Variants in CNOT6 observed in about 807,000 individuals in gnomAD.
CNOT6 encodes the protein CCR4-NOT transcription complex subunit 6.
Under a neutral mutation model 61.2 loss-of-function variants are expected in CNOT6, and 12 were observed. The observed-to-expected ratio is 0.20, with a 90% confidence interval of 0.13 to 0.32. CNOT6 has a LOEUF of 0.32. Among genes scored for constraint, CNOT6 ranks in the 10% least tolerant of loss-of-function variants. CNOT6 has a pLI of 1.00. For synonymous variants in CNOT6, 225 were observed against 240.6 expected (o/e 0.94, Z 0.60); for missense variants, 405 against 663.9 (o/e 0.61, Z 4.28).
chr5:180,553,695 T>C (rs1339365742), intron 4 of CNOT6, among the ~76,000 whole-genome samples: 3 of 152,200 alleles, frequency 2.0e-5, no homozygotes, highest in African/African-American at 7.2e-5. Flanking sequence ...CCTTCTTTTC[T>C]AGCCTCTGTT....
intron 3 of CNOT6, among the ~76,000 whole-genome samples, chr5:180,550,404 C>CGCT (rs1398329351): frequency 2.6e-5 from 4 of 151,512 alleles, no homozygotes; most frequent in Admixed American, 2.0e-4. Flanking sequence ...GAGCCGAGAT[C>CGCT]ACACCGCTGC....
chr5:180,543,792 G>C (rs1330029200), intron 2 of CNOT6, among the ~76,000 whole-genome samples: 1 of 151,908 alleles, frequency 6.6e-6, no homozygotes, highest in Non-Finnish European at 1.5e-5. Context: ...TTATTACTGA[G>C]TTTGAAGATT....
chr5:180,521,632 A>AT (rs1757883519), intron 1 of CNOT6, among the ~76,000 whole-genome samples: 1 of 152,172 alleles, frequency 6.6e-6, no homozygotes, highest in Non-Finnish European at 1.5e-5. Flanking sequence ...ATTGTGTGAC[A>AT]TTGAGGTTTG....
intron 4 of CNOT6, among the ~76,000 whole-genome samples, chr5:180,561,003 T>C (rs1233359059): frequency 6.6e-6 from 1 of 152,104 alleles, no homozygotes; most frequent in Non-Finnish European, 1.5e-5. Flanking sequence ...CGGGCTGGAG[T>C]GCAGTGGCAC....
At chr5:180,511,056 C>T (rs184592299) in intron 1 of CNOT6, among the ~76,000 whole-genome samples, 1,915 of 152,264 alleles carry the variant, frequency 0.013, 19 homozygotes, top group Non-Finnish European at 0.021. Flanking sequence ...CTGCCTGCCT[C>T]GGCCTCCCAA....
intron 2 of CNOT6, among the ~76,000 whole-genome samples, chr5:180,548,269 G>T (rs1759413014): frequency 6.6e-6 from 1 of 152,154 alleles, no homozygotes; most frequent in Non-Finnish European, 1.5e-5. Flanking sequence ...TCCTTCCTCT[G>T]ACATTTAGGA....
chr5:180,573,264 G>T (rs557266633), intron 11 of CNOT6, among the ~76,000 whole-genome samples: 1 of 152,262 alleles, frequency 6.6e-6, no homozygotes, highest in Admixed American at 6.5e-5. Context: ...CCATGGCGGG[G>T]TGCTGCTGAG....
intron 2 of CNOT6, among the ~76,000 whole-genome samples, chr5:180,531,104 G>T (rs1457061768): frequency 6.6e-6 from 1 of 151,642 alleles, no homozygotes; most frequent in East Asian, 1.9e-4. Context: ...TGGGGTGGCG[G>T]CCGGGCAGAG....
intron 1 of CNOT6, among the ~76,000 whole-genome samples, chr5:180,498,946 C>G (rs116228853): frequency 0.027 from 4,076 of 152,262 alleles, 81 homozygotes; most frequent in Non-Finnish European, 0.038. Context: ...CCTGCCACCA[C>G]GCCGACTAAT....
At chr5:180,519,397 A>G (rs1256782017) in intron 1 of CNOT6, among the ~76,000 whole-genome samples, 2 of 152,198 alleles carry the variant, frequency 1.3e-5, no homozygotes, top group South Asian at 2.1e-4. Flanking sequence ...TTTTGCATTA[A>G]TGTCATTAAC....
intron 1 of CNOT6, among the ~76,000 whole-genome samples, chr5:180,526,020 ACTC>A (rs1758087091): frequency 6.6e-6 from 1 of 152,112 alleles, no homozygotes; most frequent in African/African-American, 2.4e-5. Context: ...GCAGCTTTGA[ACTC>A]CTGGACTCAA....
intron 8 of CNOT6, 75 bp downstream of exon 8, chr5:180,567,317 T>C (rs1048891325): frequency 2.3e-6 from 3 of 1,317,448 alleles, no homozygotes; most frequent in Non-Finnish European, 2.1e-6. Flanking sequence ...TGGAAACTAA[T>C]TGGCAAATGA....
chr5:180,534,350 G>T (rs1255452291), intron 2 of CNOT6: 1 of 181,700 alleles, frequency 5.5e-6, no homozygotes, highest in East Asian at 1.4e-4. Context: ...CAACATTGTC[G>T]ATAATGGAGG....
intron 2 of CNOT6, among the ~76,000 whole-genome samples, chr5:180,543,295 G>C (rs1449232849): frequency 6.6e-6 from 1 of 151,996 alleles, no homozygotes; most frequent in Non-Finnish European, 1.5e-5. Flanking sequence ...TCCTGACCTC[G>C]TGGTACACCC....
intron 4 of CNOT6, among the ~76,000 whole-genome samples, chr5:180,560,759 T>C (rs1353542155): frequency 1.3e-5 from 2 of 152,192 alleles, no homozygotes; most frequent in Non-Finnish European, 2.9e-5. Context: ...TGTTGGTTTA[T>C]ATTTATTGCC....
In CNOT6 at chr5:180,541,440, A is replaced by ATTTTTTTTTTTTTTTTTTTTTTTTTTTT. The variant is rs1176286473; in HGVS notation, c.113-8491_113-8490insTTTTTTTTTTTTTTTTTTTTTTTTTTTT. Among the ~76,000 whole-genome samples the ATTTTTTTTTTTTTTTTTTTTTTTTTTTT allele has an allele frequency of 6.8e-5, 7 of 102,928 alleles. 3 individuals carry two copies. Among genetic ancestry groups the ATTTTTTTTTTTTTTTTTTTTTTTTTTTT allele is most frequent in the African/African-American group, 1.5e-4 (4 of 27,380 alleles). The allele number at this position is 102,928 out of a possible 152,430, so 67.5% of individuals were successfully genotyped here. ...CATGAACCACCACAACTGGCCAAGA[A>ATTTTTTTTTTTTTTTTTTTTTTTTTTTT]ATTTTTTTTTTTTTTTTTTTTTTTT... On this transcript the variant is annotated intron_variant, in intron 2 of 11. Coordinates refer to ENST00000261951, the MANE Select transcript of CNOT6 (RefSeq NM_001370472.1).
intron 4 of CNOT6, among the ~76,000 whole-genome samples, chr5:180,561,038 C>T (rs1365391451): frequency 4.6e-5 from 7 of 152,132 alleles, no homozygotes; most frequent in African/African-American, 1.4e-4. Context: ...GCAGCCTTGA[C>T]CTCCCAGGCT....
At chr5:180,528,093 T>C (rs943597392) in intron 1 of CNOT6, among the ~76,000 whole-genome samples, 13 of 152,012 alleles carry the variant, frequency 8.6e-5, no homozygotes, top group Non-Finnish European at 1.8e-4. Context: ...AGCCTGACTA[T>C]CCATTTAAAA....
rs1248640861 is a variant in CNOT6 at position 180,577,163 on chromosome 5, A to ATGTGTGTGTGTGTGTGTGTGTGTGTGTG, written c.*2969_*2996dup. The ATGTGTGTGTGTGTGTGTGTGTGTGTGTG allele has an allele frequency of 2.1e-5, 3 of 145,656 alleles. No homozygotes were observed. The highest frequency in any genetic ancestry group is 5.1e-5 in the African/African-American group (2 of 39,318). The allele number at this position is 145,656 out of a possible 1,614,324, so 9.0% of individuals were successfully genotyped here. ...AGATAGGCAGAGAACATCTCCAGAA[A>ATGTGTGTGTGTGTGTGTGTGTGTGTGTG]TGTGTGTGTGTGTGTGTGTGTGTGT... On this transcript the variant is annotated 3_prime_UTR_variant, in exon 12 of 12. Transcript: ENST00000261951.
Sources: gnomAD v4.1 joint callset for allele counts (sites outside exome capture counted in the v4.1 genomes callset) on GRCh38, gnomAD v4.1.1 for gene constraint, MANE v1.5 for transcripts, NCBI Gene and HGNC (gene_info 2026-07-23, HGNC 2026-07-21) for gene names.